TENM3: variants seen among roughly 807,000 people sequenced by gnomAD.
TENM3 encodes teneurin-3.
In TENM3, 63 loss-of-function variants were observed where a neutral mutation model predicts 255.1. The observed-to-expected ratio is 0.25, with a 90% confidence interval of 0.20 to 0.30. The LOEUF is 0.30. TENM3 is among the 10% of genes least tolerant of loss of function. The pLI, the probability that TENM3 is intolerant of heterozygous loss-of-function variation, is 1.00. For synonymous variants in TENM3, 1,306 were observed against 1,322.3 expected (o/e 0.99, Z 0.27); for missense variants, 2,929 against 3,461.1 (o/e 0.85, Z 3.86).
At chr4:182,237,584 G>A (rs1167435381) in intron 1 of TENM3, among the ~76,000 whole-genome samples, 2 of 152,072 alleles carry the variant, frequency 1.3e-5, no homozygotes, top group Admixed American at 6.6e-5. Flanking sequence ...CTGAGGTCAG[G>A]AGTTCAAGTC....
chr4:181,460,031 T>C, the TENM3 span, among the ~76,000 whole-genome samples: 1 of 151,974 alleles, frequency 6.6e-6, no homozygotes, highest in Non-Finnish European at 1.5e-5. Flanking sequence ...AGATCTTGTA[T>C]GTATTTTAGT....
chr4:182,376,320 A>G (rs1317704353), intron 3 of TENM3, among the ~76,000 whole-genome samples: 1 of 152,160 alleles, frequency 6.6e-6, no homozygotes, highest in Non-Finnish European at 1.5e-5. Flanking sequence ...ACAGAGTATA[A>G]TTGAATTTTC....
At chr4:182,612,140 C>G (rs555854449) in intron 4 of TENM3, among the ~76,000 whole-genome samples, 2 of 151,818 alleles carry the variant, frequency 1.3e-5, no homozygotes, top group African/African-American at 4.8e-5. Flanking sequence ...GGCGTGGTGG[C>G]GGATGCCTGT....
chr4:182,463,563 C>G (rs887045453), intron 3 of TENM3, among the ~76,000 whole-genome samples: 2 of 151,586 alleles, frequency 1.3e-5, no homozygotes, highest in Admixed American at 1.3e-4. Flanking sequence ...CTCCACCTCC[C>G]GAGTTCAAGC....
the TENM3 span, among the ~76,000 whole-genome samples, chr4:181,468,578 G>A: frequency 8.5e-5 from 13 of 152,202 alleles, no homozygotes; most frequent in Non-Finnish European, 1.6e-4. Context: ...TTTTCAGTTC[G>A]CTAGCTTCCT....
At chr4:181,784,016 A>C in the TENM3 span, among the ~76,000 whole-genome samples, 48 of 152,284 alleles carry the variant, frequency 3.2e-4, no homozygotes, top group African/African-American at 1.1e-3. Flanking sequence ...GGGTGATTTT[A>C]CGTACTATGT....
chr4:182,530,019 A>G (rs1739613210), intron 3 of TENM3, among the ~76,000 whole-genome samples: 1 of 152,206 alleles, frequency 6.6e-6, no homozygotes, highest in African/African-American at 2.4e-5. Context: ...GTAAAGGAAA[A>G]TTACTTTTTG....
At chr4:182,080,600 A>G in the TENM3 span, among the ~76,000 whole-genome samples, 2 of 152,214 alleles carry the variant, frequency 1.3e-5, no homozygotes, top group African/African-American at 4.8e-5. Flanking sequence ...ACTATCCAAC[A>G]TTCATAAACG....
the TENM3 span, among the ~76,000 whole-genome samples, chr4:181,547,722 T>A: frequency 6.6e-6 from 1 of 152,190 alleles, no homozygotes. Flanking sequence ...GTTAACTTTC[T>A]TATTCAATAT....
intron 1 of TENM3, among the ~76,000 whole-genome samples, chr4:182,288,883 C>T (rs1054402687): frequency 2.0e-5 from 3 of 152,080 alleles, no homozygotes; most frequent in Non-Finnish European, 2.9e-5. Flanking sequence ...AAATAAAGGT[C>T]GGGGGCTGGA....
intron 1 of TENM3, among the ~76,000 whole-genome samples, chr4:182,264,927 G>T (rs568958279): frequency 1.3e-5 from 2 of 151,762 alleles, no homozygotes; most frequent in East Asian, 1.9e-4. Flanking sequence ...TCTGAAAAAT[G>T]GTTTTTTTTT....
At chr4:181,869,092 A>T in the TENM3 span, among the ~76,000 whole-genome samples, 1 of 151,870 alleles carries the variant, frequency 6.6e-6, no homozygotes, top group Non-Finnish European at 1.5e-5. Context: ...ATTTTAGGGT[A>T]TCTGTTTCCT....
intron 2 of TENM3, among the ~76,000 whole-genome samples, chr4:182,343,363 A>G (rs1764603933): frequency 6.6e-6 from 1 of 152,230 alleles, no homozygotes; most frequent in East Asian, 1.9e-4. Context: ...TTTGCCAGTT[A>G]TGGCCAAGCA....
chr4:182,163,198 A>G (rs1367604747), intron 1 of TENM3, among the ~76,000 whole-genome samples: 2 of 151,840 alleles, frequency 1.3e-5, no homozygotes, highest in Non-Finnish European at 2.9e-5. Context: ...CCCTCATCTT[A>G]ATTGCACAGA....
chr4:182,708,969 G>GT (rs77989335), intron 12 of TENM3, among the ~76,000 whole-genome samples: 15,965 of 151,224 alleles, frequency 0.11, 1,134 homozygotes, highest in South Asian at 0.16. Flanking sequence ...AAAGCAGTGG[G>GT]TTTTTTTTTG....
intron 3 of TENM3, among the ~76,000 whole-genome samples, chr4:182,430,315 G>A (rs1045463902): frequency 2.0e-5 from 3 of 152,184 alleles, no homozygotes; most frequent in Admixed American, 6.5e-5. Flanking sequence ...TTAGGAGGCC[G>A]AGGCAGGCGG....
chr4:181,506,719 C>A, the TENM3 span, among the ~76,000 whole-genome samples: 1 of 151,702 alleles, frequency 6.6e-6, no homozygotes. Flanking sequence ...TAATCTTACA[C>A]CGTGGTTCCA....
At chr4:181,602,560 C>G in the TENM3 span, among the ~76,000 whole-genome samples, 61 of 152,260 alleles carry the variant, frequency 4.0e-4, no homozygotes, top group Admixed American at 7.2e-4. Context: ...TTCTTAATAT[C>G]TGTCAAAAGC....
At chr4:181,609,449 C>T in the TENM3 span, among the ~76,000 whole-genome samples, 2 of 152,056 alleles carry the variant, frequency 1.3e-5, no homozygotes, top group Non-Finnish European at 2.9e-5. Context: ...TAGACTTTTT[C>T]ACTTAGTGTT....
Sources: allele counts gnomAD v4.1 joint callset (sites outside exome capture counted in the v4.1 genomes callset), GRCh38; gene constraint gnomAD v4.1.1; transcripts MANE v1.5; gene names NCBI Gene and HGNC (gene_info 2026-07-23, HGNC 2026-07-21).